Variants in DCN observed in about 807,000 individuals in gnomAD.
DCN encodes bone proteoglycan II.
A neutral mutation model predicts 36.5 loss-of-function variants in DCN; 17 were observed. The observed-to-expected ratio is 0.47, with a 90% CI of 0.32 to 0.70. The LOEUF is 0.70. Among genes scored for constraint, DCN ranks in the 30% least tolerant of loss-of-function variants. The pLI is 0.04. For missense variants in DCN, 389 were observed against 430.1 expected (o/e 0.90, Z 0.84); for synonymous variants, 163 against 161.4 (o/e 1.01, Z -0.07).
chr12:91,166,560 T>C (rs1369954148), intron 2 of DCN, among the ~76,000 whole-genome samples: 1 of 152,196 alleles, frequency 6.6e-6, no homozygotes, highest in Non-Finnish European at 1.5e-5. Context: ...ATCACAGTCC[T>C]AATTTCCACT....
intron 6 of DCN, 87 bp downstream of exon 6, chr12:91,153,009 C>T: frequency 1.3e-6 from 1 of 795,822 alleles, no homozygotes; most frequent in Non-Finnish European, 2.2e-6. Flanking sequence ...ACTCAAAAAT[C>T]AATCATCATG....
rs867021906 is a variant in DCN at position 91,146,162 on chromosome 12, C to T, written c.976G>A (p.Gly326Ser). The change falls in exon 8 of 8, where the codon GGT (glycine) becomes AGT (serine). Residue 326 changes from glycine (G) to serine (S), a missense_variant. Gly to Ser is a moderately conservative substitution (Grantham distance 56). Coordinates refer to ENST00000052754, the MANE Select transcript of DCN (RefSeq NM_001920.5). ...GHNTKKASYSGVSLFSNPVQY... is the reference protein window; with the variant it reads ...GHNTKKASYSSVSLFSNPVQY... ...ACCGGGTTGCTGAAAAGACTCACAC[C>T]CGAATAAGAAGCCTTTTTGGTGTTG... The T allele has an allele frequency of 2.5e-6, 4 of 1,613,512 alleles. No individual in the cohort carries two copies. The highest frequency in any genetic ancestry group is 3.4e-6 in the Non-Finnish European group (4 of 1,179,674).
rs144969375 is a variant in DCN, at chr12:91,165,085, A to G, written c.212-368T>C. On this transcript the variant is annotated intron_variant, in intron 2 of 7. Coordinates refer to ENST00000052754, the MANE Select transcript of DCN (RefSeq NM_001920.5). ...AAGTAGTCAGCACGAGTGATTGGCA[A>G]ATTTATACATTTTTACATAAATACC... Among the ~76,000 whole-genome samples, 434 of 152,326 alleles carry G rather than the reference A, an allele frequency of 2.8e-3. 1 individual carries two copies. The highest frequency in any genetic ancestry group is 9.8e-3 in the African/African-American group (409 of 41,580).
chr12:91,160,902 T>G (rs1225669880), intron 3 of DCN, among the ~76,000 whole-genome samples: 1 of 152,172 alleles, frequency 6.6e-6, no homozygotes, highest in Non-Finnish European at 1.5e-5. Flanking sequence ...GGTATAAAAT[T>G]ACTCTTATGT....
chr12:91,168,131 G>A (rs957070905), intron 2 of DCN, among the ~76,000 whole-genome samples: 7 of 151,992 alleles, frequency 4.6e-5, no homozygotes, highest in East Asian at 3.9e-4. Flanking sequence ...GTGCCTAGCC[G>A]TGGTGTGCCA....
In DCN at chr12:91,178,465, C is replaced by T; in HGVS notation, c.88G>A (p.Glu30Lys). 6.2e-7 allele frequency: 1 copy of T among 1,613,862 alleles called. No homozygotes were observed. The highest frequency in any genetic ancestry group is 8.5e-7 in the Non-Finnish European group (1 of 1,179,966). ...GGGCCTATCCCAGAAGCCTCATCTTCTAGCATAAAGTCAAATAAGCCTCTC... is the reference window on the plus strand; with the variant it reads ...GGGCCTATCCCAGAAGCCTCATCTTTTAGCATAAAGTCAAATAAGCCTCTC... The part of the protein sequence containing the change: ...QQRGLFDFML[E>K]DEASGIGPEV... The change falls in exon 2 of 8, where the codon GAA becomes AAA. Residue 30 changes from glutamate to lysine, a missense_variant. Physicochemically the swap from Glu to Lys is moderately conservative, Grantham distance 56. Coordinates refer to ENST00000052754, the MANE Select transcript of DCN (RefSeq NM_001920.5).
At chr12:91,177,689 A>T in intron 2 of DCN, 2 of 698,794 alleles carry the variant, frequency 2.9e-6, no homozygotes, top group Non-Finnish European at 5.2e-6. Flanking sequence ...TAACACAATT[A>T]TATTGAATAT....
chr12:91,169,184 C>T (rs115721683), intron 2 of DCN, among the ~76,000 whole-genome samples: 13 of 151,844 alleles, frequency 8.6e-5, no homozygotes, highest in African/African-American at 2.9e-4. Context: ...ATTGCTTGAG[C>T]CTCTGAGTTC....
Position 91,143,422 on chromosome 12 carries a change from A to C in DCN, c.*2636T>G, listed in dbSNP as rs1188115672. On this transcript the variant is annotated 3_prime_UTR_variant, in exon 8 of 8. Transcript: ENST00000052754. Reference sequence around the variant, plus strand: ...TGACTTATTTCTCCAAGTGTGGACCAAGAAGCAGCAGCATTCCTGGAAGTT... The same window carrying C: ...TGACTTATTTCTCCAAGTGTGGACCCAGAAGCAGCAGCATTCCTGGAAGTT... The C allele has an allele frequency of 6.6e-6, 1 of 152,192 alleles. No homozygotes were observed. Among genetic ancestry groups the C allele is most frequent in the East Asian group, 1.9e-4 (1 of 5,198 alleles). 9.4% of individuals were successfully genotyped at this position (152,192 alleles called of 1,614,324 possible). A position where few individuals can be genotyped will look rare whatever the true frequency, so the allele number is the denominator to read the frequency against.
rs2121100549 is a variant in DCN, at chr12:91,141,300, C to T, written c.*4758G>A. The T allele has an allele frequency of 6.6e-6, 1 of 152,288 alleles. No homozygotes were observed. Among genetic ancestry groups the T allele is most frequent in the South Asian group, 2.1e-4 (1 of 4,824 alleles). The allele number at this position is 152,288 out of a possible 1,614,324, so 9.4% of individuals were successfully genotyped here. ...TCACTTTACTCTGCTCACGTTTGTC[C>T]TCTCTGCTCTTGTTGGAACGTGCCA... On this transcript the variant is annotated 3_prime_UTR_variant, in exon 8 of 8. Coordinates refer to ENST00000052754, the MANE Select transcript of DCN (RefSeq NM_001920.5).
chr12:91,149,806 TA>T (rs1026887428), intron 7 of DCN, among the ~76,000 whole-genome samples: 3 of 151,206 alleles, frequency 2.0e-5, no homozygotes, highest in African/African-American at 4.9e-5. Context: ...AGCAAACAAA[TA>T]AAAAAATTAA....
At chr12:91,159,614 G>T (rs1222335383) in intron 3 of DCN, among the ~76,000 whole-genome samples, 1 of 151,080 alleles carries the variant, frequency 6.6e-6, no homozygotes, top group Non-Finnish European at 1.5e-5. Flanking sequence ...TATGTGTAAA[G>T]GTTTTATATG....
At chr12:91,150,810 C>T (rs901063124) in intron 7 of DCN, 3 of 152,096 alleles carry the variant, frequency 2.0e-5, no homozygotes, top group African/African-American at 7.2e-5. Flanking sequence ...TATTGCAGCA[C>T]TATTTTACAA....
chr12:91,179,593 C>T (rs974769101), intron 1 of DCN: 3 of 152,174 alleles, frequency 2.0e-5, no homozygotes, highest in African/African-American at 7.2e-5. Flanking sequence ...TTGTTCTGTA[C>T]CCGGGCCTTG....
rs1769997055 is a variant in DCN at position 91,144,077 on chromosome 12, A to T, written c.*1981T>A. Reference sequence around the variant, plus strand: ...CTACTTATTTCTCACCACACTTGTCAGTTAAGCAGCAGGATATCTGCAGGC... The same window carrying T: ...CTACTTATTTCTCACCACACTTGTCTGTTAAGCAGCAGGATATCTGCAGGC... On this transcript the variant is annotated 3_prime_UTR_variant, in exon 8 of 8. Coordinates refer to ENST00000052754, the MANE Select transcript of DCN (RefSeq NM_001920.5). 6.6e-6 allele frequency: 1 copy of T among 152,134 alleles called. No homozygotes were observed. The highest frequency in any genetic ancestry group is 6.5e-5 in the Admixed American group (1 of 15,268). 9.4% of individuals were successfully genotyped at this position (152,134 alleles called of 1,614,324 possible).
At chr12:91,157,652 G>A (rs534803338) in intron 4 of DCN, among the ~76,000 whole-genome samples, 8 of 149,300 alleles carry the variant, frequency 5.4e-5, no homozygotes, top group Middle Eastern at 3.5e-3. Context: ...TTTTTGAGAC[G>A]TAGTCTCACT....
chr12:91,151,600 G>T (rs1420690261), intron 7 of DCN, 54 bp downstream of exon 7: 1 of 1,608,690 alleles, frequency 6.2e-7, no homozygotes, highest in Non-Finnish European at 8.5e-7. Flanking sequence ...CCATAAGCAG[G>T]GTGGGGGTCT....
At chr12:91,153,016 C>T (rs950179133) in intron 6 of DCN, 80 bp downstream of exon 6, 14 of 819,794 alleles carry the variant, frequency 1.7e-5, no homozygotes, top group Non-Finnish European at 2.8e-5. Context: ...AATCAATCAT[C>T]ATGTTTATAA....
intron 6 of DCN, among the ~76,000 whole-genome samples, chr12:91,152,300 C>CATATATATATATATATATATATATATAT (rs139523647): frequency 1.9e-4 from 28 of 146,504 alleles, no homozygotes; most frequent in African/African-American, 7.4e-4. Context: ...CACACACATG[C>CATATATATATATATATATATATATATAT]ATATATATAT....
Sources: allele counts gnomAD v4.1 joint callset (sites outside exome capture counted in the v4.1 genomes callset), GRCh38; gene constraint gnomAD v4.1.1; transcripts MANE v1.5; gene names NCBI Gene and HGNC (gene_info 2026-07-23, HGNC 2026-07-21).